Variants in VWA8 observed in about 807,000 individuals in gnomAD.
VWA8 encodes von Willebrand factor A domain containing 8.
VWA8 carries 221 observed loss-of-function variants against 241.5 expected under a neutral mutation model. That is an observed-to-expected ratio of 0.91 (90% CI 0.82 to 1.02). The LOEUF is 1.02. Ranked by LOEUF, VWA8 falls within the 50% of genes least tolerant of loss-of-function variation. The pLI is 0.00. For missense variants in VWA8, 2,322 were observed against 2,328.7 expected (o/e 1.00, Z 0.06); for synonymous variants, 852 against 827.1 (o/e 1.03, Z -0.52).
rs913077065 is a variant in VWA8, at chr13:41,866,017, A to G, written c.1232T>C (p.Leu411Pro). 4 of 1,614,150 alleles carry G rather than the reference A, an allele frequency of 2.5e-6. No homozygotes were observed. The African/African-American group carries it at 4.0e-5, about 16-fold the overall frequency. The change falls in exon 11 of 45, where the codon CTA (leucine) becomes CCA (proline). Residue 411 changes from leucine to proline, a missense_variant. Physicochemically the swap from Leu to Pro is moderately conservative, Grantham distance 98 (BLOSUM62 -3). Transcript: ENST00000379310. ...VTIKVPAGTR[L>P]LSQPCASDRF... ...GTCTGACGCACAAGGTTGACTTAATAGCCTGGTCCCGGCTGGCACCTATAA... is the reference window on the plus strand; with the variant it reads ...GTCTGACGCACAAGGTTGACTTAATGGCCTGGTCCCGGCTGGCACCTATAA...
rs548141076 is a variant in VWA8, at chr13:41,711,830, T to C, written c.3116+7761A>G. 1.3e-4 allele frequency among the ~76,000 whole-genome samples: 20 copies of C among 151,830 alleles called. No individual in the cohort carries two copies. The South Asian group carries it at 1.7e-3, about 13-fold the overall frequency. ...CGGAGCTTACAGTGAGCCGAGATCA[T>C]GCCACTGCACTCCAGCCTGGGCGAC... On this transcript the variant is annotated intron_variant, in intron 26 of 44. Coordinates refer to ENST00000379310, the MANE Select transcript of VWA8 (RefSeq NM_015058.2).
chr13:41,699,324 G>A (rs2045235404), intron 28 of VWA8, 54 bp from the exon 29 acceptor site: 2 of 1,555,110 alleles, frequency 1.3e-6, no homozygotes, highest in Admixed American at 3.3e-5. Context: ...TCTCTAATTG[G>A]CCAAGAGGTC....
At chr13:41,837,070 T>TAGATAGATAGAC (rs2138009915) in intron 12 of VWA8, among the ~76,000 whole-genome samples, 1 of 150,486 alleles carries the variant, frequency 6.6e-6, no homozygotes, top group East Asian at 1.9e-4. Context: ...GATAGATAGA[T>TAGATAGATAGAC]AGATAGATAG....
At chr13:41,949,801 A>G in intron 2 of VWA8, 135 bp downstream of exon 2, 1 of 480,734 alleles carries the variant, frequency 2.1e-6, no homozygotes, top group Non-Finnish European at 3.6e-6. Context: ...AGATTGGCAT[A>G]ATATTGATAA....
rs1255807172 is a variant in VWA8, at chr13:41,947,966, T to A, written c.241+1970A>T. ...AAAAAAAAAAAAACAAAACAAAACATTTTGGTAATTCCTTGAAATGTTAAA... is the reference window on the plus strand; with the variant it reads ...AAAAAAAAAAAAACAAAACAAAACAATTTGGTAATTCCTTGAAATGTTAAA... On this transcript the variant is annotated intron_variant, in intron 2 of 44. Transcript: ENST00000379310. 1.5e-3 allele frequency among the ~76,000 whole-genome samples: 206 copies of A among 134,872 alleles called. 10 individuals carry two copies. Among genetic ancestry groups the A allele is most frequent in the Non-Finnish European group, 1.9e-3 (118 of 62,318 alleles). 88.5% of individuals were successfully genotyped at this position (134,872 alleles called of 152,430 possible). A position where few individuals can be genotyped will look rare whatever the true frequency, so the allele number is the denominator to read the frequency against.
chr13:41,940,272 T>C (rs777593059), intron 2 of VWA8, among the ~76,000 whole-genome samples: 36 of 152,222 alleles, frequency 2.4e-4, no homozygotes, highest in Non-Finnish European at 4.1e-4. Context: ...TCTATCATTT[T>C]ATGTTTCACT....
intron 9 of VWA8, among the ~76,000 whole-genome samples, chr13:41,882,815 C>A (rs1227284303): frequency 2.0e-5 from 3 of 150,928 alleles, no homozygotes; most frequent in African/African-American, 4.9e-5. Context: ...AGAGGGAGAC[C>A]GTGGGGAGAG....
intron 14 of VWA8, among the ~76,000 whole-genome samples, chr13:41,829,559 A>ACACACG (rs1555340390): frequency 1.4e-5 from 2 of 143,262 alleles, no homozygotes; most frequent in East Asian, 4.0e-4. Flanking sequence ...ACACACACAC[A>ACACACG]CACACACATG....
chr13:41,805,067 T>A (rs978570560), intron 17 of VWA8, among the ~76,000 whole-genome samples: 1 of 152,120 alleles, frequency 6.6e-6, no homozygotes, highest in Admixed American at 6.5e-5. Flanking sequence ...TACTCATCAA[T>A]AACATGGAAT....
chr13:41,756,026 A>T (rs1348339610), intron 21 of VWA8, among the ~76,000 whole-genome samples: 1 of 151,854 alleles, frequency 6.6e-6, no homozygotes, highest in African/African-American at 2.4e-5. Context: ...GAGTTTCAAC[A>T]ATGCCAAAAG....
chr13:41,911,021 A>G (rs962286963), intron 3 of VWA8, among the ~76,000 whole-genome samples: 2 of 152,020 alleles, frequency 1.3e-5, no homozygotes, highest in African/African-American at 2.4e-5. Context: ...AATGCCTACC[A>G]ATACTGACAA....
At chr13:41,864,640 G>A (rs1873204323) in intron 12 of VWA8, 1 of 439,354 alleles carries the variant, frequency 2.3e-6, no homozygotes, top group Non-Finnish European at 4.5e-6. Context: ...AATTTATAGG[G>A]ACAGAAAGTA....
intron 12 of VWA8, among the ~76,000 whole-genome samples, chr13:41,855,531 T>C (rs1872714421): frequency 6.6e-6 from 1 of 151,638 alleles, no homozygotes; most frequent in African/African-American, 2.4e-5. Context: ...TGCAACAACA[T>C]AGATGACTCT....
chr13:41,764,723 T>G (rs1593755699), intron 20 of VWA8, among the ~76,000 whole-genome samples: 1 of 151,852 alleles, frequency 6.6e-6, no homozygotes. Context: ...AGTCAGAAGC[T>G]AGAGAAAAGT....
chr13:41,607,632 G>C (rs1009365216), intron 39 of VWA8, among the ~76,000 whole-genome samples: 2 of 152,114 alleles, frequency 1.3e-5, no homozygotes, highest in Non-Finnish European at 1.5e-5. Flanking sequence ...AGACACAGCT[G>C]TCTGTGGGGT....
chr13:41,829,049 T>A (rs1341107143), intron 14 of VWA8, among the ~76,000 whole-genome samples: 2 of 152,132 alleles, frequency 1.3e-5, no homozygotes, highest in African/African-American at 4.8e-5. Flanking sequence ...CAGCTTTAGT[T>A]TTGTTGAGAG....
intron 29 of VWA8, among the ~76,000 whole-genome samples, chr13:41,697,761 C>T (rs1429700195): frequency 1.3e-5 from 2 of 152,154 alleles, no homozygotes; most frequent in African/African-American, 4.8e-5. Context: ...CCTAACAGGC[C>T]AGGAGCCAAT....
intron 2 of VWA8, among the ~76,000 whole-genome samples, chr13:41,948,468 TA>T: frequency 6.6e-6 from 1 of 152,280 alleles, no homozygotes; most frequent in East Asian, 1.9e-4. Context: ...CTGAATAAAC[TA>T]AAATTACTGA....
intron 12 of VWA8, among the ~76,000 whole-genome samples, chr13:41,848,861 G>A (rs1041598751): frequency 3.9e-5 from 6 of 152,182 alleles, no homozygotes; most frequent in African/African-American, 1.2e-4. Flanking sequence ...GAGCTTAAGG[G>A]AGCTACTAGA....
Sources: allele counts gnomAD v4.1 joint callset (sites outside exome capture counted in the v4.1 genomes callset), GRCh38; gene constraint gnomAD v4.1.1; transcripts MANE v1.5; gene names NCBI Gene and HGNC (gene_info 2026-07-23, HGNC 2026-07-21).